BRCA2: variants seen among roughly 807,000 people sequenced by gnomAD.
BRCA2 encodes breast cancer type 2 susceptibility protein.
A neutral mutation model predicts 276.7 loss-of-function variants in BRCA2; 203 were observed. The observed-to-expected ratio is 0.73, with a 90% CI of 0.65 to 0.82. The LOEUF (loss-of-function observed/expected upper bound fraction) is 0.82, where lower values mean the gene tolerates loss of function less well. BRCA2 is among the 40% of genes least tolerant of loss of function. BRCA2 has a pLI of 0.00. For missense variants in BRCA2, 3,920 were observed against 3,915.0 expected, an observed-to-expected ratio of 1.00 and a Z score of -0.03; for synonymous variants, 1,289 against 1,338.4, an observed-to-expected ratio of 0.96 and a Z score of 0.81.
chr13:32,354,258 TTTA>T (rs2072671548), intron 13 of BRCA2, among the ~76,000 whole-genome samples: 1 of 151,854 alleles, frequency 6.6e-6, no homozygotes, highest in Admixed American at 6.6e-5. Flanking sequence ...GAAATGAGAG[TTTA>T]TTGAGTAGAG....
chr13:32,356,548 C>T lies in BRCA2; in HGVS notation c.7556C>T (p.Pro2519Leu), dbSNP rs545454796. 1.2e-6 allele frequency: 2 copies of T among 1,614,214 alleles called. No individual in the cohort carries two copies. The highest frequency in any genetic ancestry group is 2.2e-5 in the East Asian group (1 of 44,890). The change falls in exon 15 of 27, where the codon CCT becomes CTT. Residue 2519 changes from proline to leucine, a missense_variant. Coordinates refer to ENST00000380152, the MANE Select transcript of BRCA2 (RefSeq NM_000059.4). Reference sequence around the variant, plus strand: ...TATCTTGCAAAAACATCCACTCTGCCTCGAATCTCTCTGAAAGCAGCAGTA... The same window carrying T: ...TATCTTGCAAAAACATCCACTCTGCTTCGAATCTCTCTGAAAGCAGCAGTA... ...SLYLAKTSTLPRISLKAAVGG... is the reference protein window; with the variant it reads ...SLYLAKTSTLLRISLKAAVGG...
intron 20 of BRCA2, among the ~76,000 whole-genome samples, chr13:32,373,882 G>T (rs1294120920): frequency 6.6e-6 from 1 of 152,254 alleles, no homozygotes; most frequent in African/African-American, 2.4e-5. Flanking sequence ...ACTAACAGAG[G>T]TTCTCTATGA....
At chr13:32,326,452 T>C (rs779658258) in intron 6 of BRCA2, 47 bp from the exon 7 acceptor site, 4 of 1,492,284 alleles carry the variant, frequency 2.7e-6, no homozygotes, top group Non-Finnish European at 3.7e-6. Context: ...ATATCCTTAA[T>C]GATCAGGGCA....
rs532860056 is a variant in BRCA2, at chr13:32,332,000, A to G, written c.794-272A>G. Among the ~76,000 whole-genome samples, 127 of 152,322 alleles carry G rather than the reference A, an allele frequency of 8.3e-4. 1 individual carries two copies. The highest frequency in any genetic ancestry group is 3.0e-3 in the African/African-American group (124 of 41,580). On this transcript the variant is annotated intron_variant, in intron 9 of 26. Coordinates refer to ENST00000380152, the MANE Select transcript of BRCA2 (RefSeq NM_000059.4). ...AAGATTAGGTGAGTTTTAATTGTGTAGAACTGCTAAAGAAAGGTTTTTAGG... is the reference window on the plus strand; with the variant it reads ...AAGATTAGGTGAGTTTTAATTGTGTGGAACTGCTAAAGAAAGGTTTTTAGG...
chr13:32,346,605 A>G (rs1309658968), intron 12 of BRCA2, among the ~76,000 whole-genome samples: 1 of 152,122 alleles, frequency 6.6e-6, no homozygotes, highest in Non-Finnish European at 1.5e-5. Context: ...GACTAAATTT[A>G]TGCTGATTTC....
In BRCA2 at chr13:32,398,241, C is replaced by T. The variant is rs80359241; in HGVS notation, c.9728C>T (p.Pro3243Leu). The part of the protein sequence containing the change: ...CMAKRKSVST[P>L]VSAQMTSKSC... Reference sequence around the variant, plus strand: ...GCCAAAAGGAAGTCTGTTTCCACACCTGTCTCAGCCCAGATGACTTCAAAG... The same window carrying T: ...GCCAAAAGGAAGTCTGTTTCCACACTTGTCTCAGCCCAGATGACTTCAAAG... The change falls in exon 27 of 27, where the codon CCT becomes CTT. Residue 3243 changes from proline (P) to leucine (L), a missense_variant. Coordinates refer to ENST00000380152, the MANE Select transcript of BRCA2 (RefSeq NM_000059.4). The T allele has an allele frequency of 9.9e-6, 16 of 1,613,842 alleles. No individual in the cohort carries two copies. Among genetic ancestry groups the T allele is most frequent in the East Asian group, 8.9e-5 (4 of 44,898 alleles).
intron 21 of BRCA2, among the ~76,000 whole-genome samples, chr13:32,377,079 G>C (rs897646142): frequency 2.6e-5 from 4 of 152,018 alleles, no homozygotes; most frequent in Non-Finnish European, 4.4e-5. Flanking sequence ...GTACTCTGAA[G>C]CAAAAAAACT....
chr13:32,324,610 T>C (rs2072330147), intron 3 of BRCA2, among the ~76,000 whole-genome samples: 1 of 152,274 alleles, frequency 6.6e-6, no homozygotes, highest in South Asian at 2.1e-4. Context: ...TTTCAGTAAA[T>C]GTCTTCCCTT....
At chr13:32,323,449 G>A (rs570141566) in intron 3 of BRCA2, among the ~76,000 whole-genome samples, 10 of 152,178 alleles carry the variant, frequency 6.6e-5, no homozygotes, top group East Asian at 1.9e-4. Flanking sequence ...CATCATGCCC[G>A]GCCTGTTTTA....
In BRCA2 at chr13:32,340,467, C is replaced by G. The variant is rs587778123; in HGVS notation, c.6112C>G (p.His2038Asp). ...EENTAIRTPE[H>D]LISQKGFSYN... The stretch of plus-strand genomic sequence containing the variant: ...AAATACTGCTATACGTACTCCAGAA[C>G]ATTTAATATCCCAAAAAGGCTTTTC... The change falls in exon 11 of 27, where the codon CAT becomes GAT. Residue 2038 changes from histidine to aspartate, a missense_variant. His to Asp is a moderately conservative substitution (Grantham distance 81, BLOSUM62 -1). Around this residue, in one of 2 missense-constraint regions of BRCA2, gnomAD observed 3,263 missense variants for 3,156.9 expected, o/e 1.03. Coordinates refer to ENST00000380152, the MANE Select transcript of BRCA2 (RefSeq NM_000059.4). 6.2e-7 allele frequency: 1 copy of G among 1,613,730 alleles called. No individual in the cohort carries two copies. The highest frequency in any genetic ancestry group is 1.7e-5 in the Admixed American group (1 of 60,024).
chr13:32,320,619 G>C (rs893345223), intron 3 of BRCA2, among the ~76,000 whole-genome samples: 3 of 152,146 alleles, frequency 2.0e-5, no homozygotes, highest in African/African-American at 4.8e-5. Flanking sequence ...TCTAGTGAAG[G>C]AGACATACAT....
In BRCA2 at chr13:32,333,404, T is replaced by G. The variant is rs1593894232; in HGVS notation, c.1909+17T>G. The G allele has an allele frequency of 6.2e-7, 1 of 1,606,538 alleles. No individual in the cohort carries two copies. The highest frequency in any genetic ancestry group is 8.5e-7 in the Non-Finnish European group (1 of 1,178,134). On this transcript the variant is annotated intron_variant, in intron 10 of 26. Coordinates refer to ENST00000380152, the MANE Select transcript of BRCA2 (RefSeq NM_000059.4). ...CTGATTCAGGTACCTCTGTCTTTTTTTTTTTGTAAATAGTACATATAGTTT... is the reference window on the plus strand; with the variant it reads ...CTGATTCAGGTACCTCTGTCTTTTTGTTTTTGTAAATAGTACATATAGTTT...
chr13:32,325,238 A>C, intron 4 of BRCA2, 54 bp downstream of exon 4: 1 of 1,294,558 alleles, frequency 7.7e-7, no homozygotes, highest in Non-Finnish European at 1.1e-6. Flanking sequence ...TCCTACATAT[A>C]TTTGTTCTAT....
intron 24 of BRCA2, chr13:32,385,410 G>T: frequency 4.6e-6 from 1 of 215,714 alleles, no homozygotes. Context: ...CGTCCATGCA[G>T]ACCTTTGTCT....
intron 15 of BRCA2, among the ~76,000 whole-genome samples, chr13:32,356,985 A>G (rs551851344): frequency 3.3e-5 from 5 of 152,368 alleles, no homozygotes; most frequent in South Asian, 2.1e-4. Flanking sequence ...CCTTAAGCCA[A>G]TATTATCTAG....
intron 13 of BRCA2, among the ~76,000 whole-genome samples, chr13:32,347,950 A>G (rs992215603): frequency 6.6e-6 from 1 of 152,230 alleles, no homozygotes; most frequent in African/African-American, 2.4e-5. Context: ...ACTATGAAAC[A>G]TAGTCACCAA....
rs80359798 is a variant in BRCA2 at position 32,357,888 on chromosome 13, A to T, written c.7764A>T (p.Ile2588=). 6.2e-6 allele frequency: 10 copies of T among 1,614,044 alleles called. No homozygotes were observed. The highest frequency in any genetic ancestry group is 7.6e-6 in the Non-Finnish European group (9 of 1,179,990). ...AGTTGGCTGATGGTGGATGGCTCAT[A>T]CCCTCCAATGATGGAAAGGCTGGAA... ...GIQLADGGWL[I]PSNDGKAGKE... is the part of the protein sequence containing the mutation. Residue 2588 remains isoleucine, a synonymous_variant, in exon 16 of 27, where the codon ATA becomes ATT. Coordinates refer to ENST00000380152, the MANE Select transcript of BRCA2 (RefSeq NM_000059.4).
chr13:32,341,271 A>T, intron 11 of BRCA2, 75 bp downstream of exon 11: 1 of 1,584,258 alleles, frequency 6.3e-7, no homozygotes, highest in Non-Finnish European at 8.6e-7. Context: ...TTGGTATGCT[A>T]ACAATTAAGA....
rs1593914154 is a variant in BRCA2 at position 32,348,615 on chromosome 13, C to T, written c.7007+1719C>T. On this transcript the variant is annotated intron_variant, in intron 13 of 26. Coordinates refer to ENST00000380152, the MANE Select transcript of BRCA2 (RefSeq NM_000059.4). ...AATCTGAATTAAGTGTGAGGGTAGA[C>T]ATTTTTCAGATGTGAAGTACTAAAA... Among the ~76,000 whole-genome samples the T allele has an allele frequency of 2.0e-5, 3 of 152,132 alleles. No homozygotes were observed. In the East Asian group the frequency reaches 5.8e-4, roughly 29 times the overall value.
Sources: allele counts gnomAD v4.1 joint callset (sites outside exome capture counted in the v4.1 genomes callset), GRCh38; gene constraint gnomAD v4.1.1; regional missense constraint gnomAD v4.1.1; transcripts MANE v1.5; gene names NCBI Gene and HGNC (gene_info 2026-07-23, HGNC 2026-07-21).